PSPC1: variants seen among roughly 807,000 people sequenced by gnomAD.
The protein encoded by PSPC1 is paraspeckle protein 1.
A neutral mutation model predicts 51.6 loss-of-function variants in PSPC1; 14 were observed. The observed-to-expected ratio is 0.27, with a 90% CI of 0.18 to 0.42. The LOEUF (loss-of-function observed/expected upper bound fraction) is 0.42. Ranked by LOEUF, PSPC1 falls within the 10% of genes least tolerant of loss-of-function variation. The probability of loss-of-function intolerance (pLI) is 1.00; values close to 1 mark genes in which losing one functional copy is unlikely to be tolerated. For synonymous variants in PSPC1, 193 were observed against 231.9 expected (o/e 0.83, Z 1.53); for missense variants, 406 against 701.1 (o/e 0.58, Z 4.75).
intron 2 of PSPC1, among the ~76,000 whole-genome samples, chr13:19,771,890 G>A (rs1188438300): frequency 6.6e-6 from 1 of 152,126 alleles, no homozygotes; most frequent in African/African-American, 2.4e-5. Flanking sequence ...TGGGGCTTGA[G>A]CCACTGCACC....
At chr13:19,756,784 T>C (rs1221851825) in intron 3 of PSPC1, among the ~76,000 whole-genome samples, 3 of 151,424 alleles carry the variant, frequency 2.0e-5, no homozygotes, top group Admixed American at 6.6e-5. Flanking sequence ...TGTAAGCCAC[T>C]GTGCCCGGCC....
chr13:19,749,299 G>T (rs1366814675), intron 4 of PSPC1, among the ~76,000 whole-genome samples: 1 of 152,062 alleles, frequency 6.6e-6, no homozygotes, highest in East Asian at 1.9e-4. Context: ...AGTGAGCTAA[G>T]ATCACACCAA....
At chr13:19,753,823 A>G (rs781092836) in intron 3 of PSPC1, among the ~76,000 whole-genome samples, 9 of 152,158 alleles carry the variant, frequency 5.9e-5, no homozygotes, top group Non-Finnish European at 5.9e-5. Context: ...TAGGGACTCT[A>G]TATCTGAAAA....
intron 4 of PSPC1, among the ~76,000 whole-genome samples, chr13:19,744,200 A>G (rs1885718788): frequency 6.6e-6 from 1 of 152,034 alleles, no homozygotes; most frequent in South Asian, 2.1e-4. Flanking sequence ...GAGTGGCATG[A>G]TGGTAGCTCA....
At chr13:19,750,835 T>C (rs559939787) in intron 4 of PSPC1, among the ~76,000 whole-genome samples, 50 of 151,986 alleles carry the variant, frequency 3.3e-4, no homozygotes, top group Non-Finnish European at 3.7e-4. Flanking sequence ...AATGATGCGA[T>C]CTCAGCTCAC....
chr13:19,676,513 C>G (rs1443147619), intron 7 of PSPC1, among the ~76,000 whole-genome samples: 1 of 152,344 alleles, frequency 6.6e-6, no homozygotes, highest in South Asian at 2.1e-4. Context: ...CTACAGAATA[C>G]ATCAGTGCAT....
At chr13:19,708,451 C>T (rs1247436272) in intron 7 of PSPC1, among the ~76,000 whole-genome samples, 2 of 152,086 alleles carry the variant, frequency 1.3e-5, no homozygotes, top group Non-Finnish European at 1.5e-5. Flanking sequence ...AATTTAATTC[C>T]TTATCCAACT....
At chr13:19,682,691 A>C (rs1037399142) in intron 6 of PSPC1, among the ~76,000 whole-genome samples, 3 of 152,172 alleles carry the variant, frequency 2.0e-5, no homozygotes, top group Admixed American at 6.5e-5. Context: ...CGGAAATCTT[A>C]TACATTGTTC....
chr13:19,781,954 T>C (rs1890018662), intron 1 of PSPC1, among the ~76,000 whole-genome samples: 1 of 152,136 alleles, frequency 6.6e-6, no homozygotes, highest in African/African-American at 2.4e-5. Flanking sequence ...CAAATGTACA[T>C]CCAATTCGTT....
At chr13:19,765,338 A>ATT (rs1566044396) in intron 2 of PSPC1, among the ~76,000 whole-genome samples, 11 of 141,712 alleles carry the variant, frequency 7.8e-5, no homozygotes, top group African/African-American at 2.8e-4. Flanking sequence ...TAATAATAAT[A>ATT]ATAATAATTA....
At chr13:19,729,080 T>C (rs1883724099) in intron 6 of PSPC1, among the ~76,000 whole-genome samples, 1 of 152,126 alleles carries the variant, frequency 6.6e-6, no homozygotes. Flanking sequence ...AACCAGGCAG[T>C]AGTCCCAGGC....
chr13:19,777,996 A>T (rs1386720983), intron 1 of PSPC1, among the ~76,000 whole-genome samples: 1 of 146,246 alleles, frequency 6.8e-6, no homozygotes, highest in Non-Finnish European at 1.5e-5. Context: ...GAAATCCAAG[A>T]ACTTTGGGAG....
chr13:19,739,764 AAGT>A (rs1885235288), intron 5 of PSPC1, among the ~76,000 whole-genome samples: 1 of 152,052 alleles, frequency 6.6e-6, no homozygotes, highest in African/African-American at 2.4e-5. Flanking sequence ...TTTAAAAAAA[AAGT>A]AGAAGAGATT....
intron 4 of PSPC1, among the ~76,000 whole-genome samples, chr13:19,746,891 C>G (rs1886052880): frequency 6.6e-6 from 1 of 152,174 alleles, no homozygotes; most frequent in Non-Finnish European, 1.5e-5. Flanking sequence ...GGATGGATCA[C>G]TTGAGGTCAG....
intron 6 of PSPC1, among the ~76,000 whole-genome samples, chr13:19,713,296 A>C (rs1389496720): frequency 6.6e-6 from 1 of 152,186 alleles, no homozygotes; most frequent in East Asian, 1.9e-4. Flanking sequence ...GCGCTAAAAT[A>C]AACCTATGAT....
chr13:19,727,255 A>C (rs531330291), intron 6 of PSPC1, among the ~76,000 whole-genome samples: 2 of 152,170 alleles, frequency 1.3e-5, no homozygotes, highest in East Asian at 3.9e-4. Flanking sequence ...TTAGCTGGGC[A>C]TGGTGGCAGG....
intron 4 of PSPC1, among the ~76,000 whole-genome samples, chr13:19,744,962 T>C (rs1885813172): frequency 6.6e-6 from 1 of 152,318 alleles, no homozygotes; most frequent in African/African-American, 2.4e-5. Context: ...TCATCTACCG[T>C]ATTACTTATT....
downstream of PSPC1, among the ~76,000 whole-genome samples, chr13:19,698,394 T>C (rs573780836): frequency 6.6e-6 from 1 of 151,938 alleles, no homozygotes; most frequent in Non-Finnish European, 1.5e-5. Flanking sequence ...ATTTAAAAAA[T>C]ATAAGGTCCA....
chr13:19,735,140 C>T (rs1280831161), intron 5 of PSPC1, among the ~76,000 whole-genome samples: 5 of 151,824 alleles, frequency 3.3e-5, no homozygotes, highest in African/African-American at 9.7e-5. Flanking sequence ...GGTAAAACCA[C>T]GTCTCGACTA....
Sources: allele counts gnomAD v4.1 joint callset (sites outside exome capture counted in the v4.1 genomes callset), GRCh38; gene constraint gnomAD v4.1.1; transcripts MANE v1.5; gene names NCBI Gene and HGNC (gene_info 2026-07-23, HGNC 2026-07-21).